The following ACSF3 variants were observed in gnomAD, a reference collection of about 807,000 sequenced individuals.
The protein encoded by ACSF3 is acyl-CoA synthetase family member 3.
ACSF3 carries 78 observed loss-of-function variants against 53.2 expected under a neutral mutation model. That is an observed-to-expected ratio of 1.47 (90% CI 1.22 to 1.77). The LOEUF is 1.77. ACSF3 is among the 40% of genes most tolerant of loss of function. The pLI is 0.00. For synonymous variants in ACSF3, 414 were observed against 333.1 expected, an observed-to-expected ratio of 1.24 and a Z score of -2.65; for missense variants, 937 against 771.1, an observed-to-expected ratio of 1.22 and a Z score of -2.55.
At chr16:89,101,889 G>A (rs746554531) in intron 3 of ACSF3, among the ~76,000 whole-genome samples, 3 of 152,240 alleles carry the variant, frequency 2.0e-5, no homozygotes, top group African/African-American at 4.8e-5. Flanking sequence ...CCACGGAGTC[G>A]TGGGCTGACG....
intron 8 of ACSF3, among the ~76,000 whole-genome samples, chr16:89,137,344 C>CG (rs1456909043): frequency 2.2e-3 from 307 of 137,570 alleles, no homozygotes; most frequent in Middle Eastern, 0.011. Context: ...CCCCGGGTCT[C>CG]GGGAGGACCA....
intron 7 of ACSF3, among the ~76,000 whole-genome samples, chr16:89,127,981 T>C (rs555597300): frequency 6.6e-6 from 1 of 152,242 alleles, no homozygotes; most frequent in East Asian, 1.9e-4. Flanking sequence ...TTATCCTTGC[T>C]AGAAGTTTAT....
chr16:89,151,382 ACTTC>A (rs1914060924), intron 10 of ACSF3: 1 of 367,568 alleles, frequency 2.7e-6, no homozygotes, highest in Non-Finnish European at 5.4e-6. Flanking sequence ...GGGGAGGAAC[ACTTC>A]CTAACTCCCC....
At chr16:89,135,289 G>A (rs1454886503) in intron 8 of ACSF3, among the ~76,000 whole-genome samples, 2 of 152,278 alleles carry the variant, frequency 1.3e-5, no homozygotes, top group African/African-American at 4.8e-5. Context: ...AGGGATGCTG[G>A]AAGGGGCAAT....
intron 8 of ACSF3, among the ~76,000 whole-genome samples, chr16:89,139,029 C>G (rs1439634133): frequency 1.3e-5 from 2 of 152,248 alleles, no homozygotes; most frequent in Admixed American, 1.3e-4. Context: ...CACCTCCAGG[C>G]TCCTTTTTGC....
intron 8 of ACSF3, chr16:89,145,038 C>A: frequency 8.3e-7 from 1 of 1,208,326 alleles, no homozygotes; most frequent in Non-Finnish European, 1.2e-6. Context: ...GCAGACCCCA[C>A]ATCATGGGCA....
intron 7 of ACSF3, among the ~76,000 whole-genome samples, chr16:89,121,401 T>C (rs11645063): frequency 0.75 from 114,155 of 152,158 alleles, 43,337 homozygotes; most frequent in Non-Finnish European, 0.8. Flanking sequence ...CGGAGGTGGG[T>C]GCCTGTGCAG....
intron 3 of ACSF3, among the ~76,000 whole-genome samples, chr16:89,102,022 G>A (rs1320965802): frequency 1.3e-5 from 2 of 152,218 alleles, no homozygotes; most frequent in African/African-American, 4.8e-5. Flanking sequence ...GGAGTGACAT[G>A]CACATGTGCT....
intron 6 of ACSF3, among the ~76,000 whole-genome samples, chr16:89,116,188 G>A (rs528251313): frequency 3.3e-5 from 5 of 152,160 alleles, no homozygotes; most frequent in East Asian, 1.9e-4. Flanking sequence ...AGCACTGTTC[G>A]TTGAAAAGAC....
At chr16:89,105,370 G>C (rs550746934) in intron 4 of ACSF3, among the ~76,000 whole-genome samples, 2 of 152,266 alleles carry the variant, frequency 1.3e-5, no homozygotes, top group Admixed American at 1.3e-4. Context: ...GGTGCGCCCT[G>C]CATGGACACA....
chr16:89,107,718 A>G (rs1198226481), intron 4 of ACSF3, among the ~76,000 whole-genome samples: 1 of 152,162 alleles, frequency 6.6e-6, no homozygotes, highest in Non-Finnish European at 1.5e-5. Flanking sequence ...GTTCCCTTGG[A>G]TCCGCAACTC....
At chr16:89,130,747 T>C (rs1376969629) in intron 7 of ACSF3, among the ~76,000 whole-genome samples, 1 of 152,214 alleles carries the variant, frequency 6.6e-6, no homozygotes, top group Admixed American at 6.5e-5. Flanking sequence ...CTCAGCTTCT[T>C]TAGTTTATAG....
chr16:89,105,372 A>G (rs1975847851), intron 4 of ACSF3, among the ~76,000 whole-genome samples: 1 of 152,048 alleles, frequency 6.6e-6, no homozygotes, highest in African/African-American at 2.4e-5. Context: ...TGCGCCCTGC[A>G]TGGACACAGC....
intron 8 of ACSF3, among the ~76,000 whole-genome samples, chr16:89,139,265 T>C (rs561228466): frequency 3.9e-5 from 6 of 152,210 alleles, no homozygotes; most frequent in African/African-American, 1.4e-4. Context: ...CCATGGCGCC[T>C]CCTTCCCCAT....
At chr16:89,150,484 T>G (rs1241398982) in intron 10 of ACSF3, 1 of 163,374 alleles carries the variant, frequency 6.1e-6, no homozygotes, top group Non-Finnish European at 1.3e-5. Context: ...TCCTCAGGGC[T>G]GCCCTCTGCG....
chr16:89,137,088 A>G (rs933682425), intron 8 of ACSF3, among the ~76,000 whole-genome samples: 1 of 152,144 alleles, frequency 6.6e-6, no homozygotes, highest in African/African-American at 2.4e-5. Context: ...GAGCAGCAGC[A>G]GCAGCAGCCC....
chr16:89,105,290 T>TC (rs897090893), intron 4 of ACSF3, among the ~76,000 whole-genome samples: 4 of 152,150 alleles, frequency 2.6e-5, no homozygotes, highest in African/African-American at 7.2e-5. Flanking sequence ...GGCGCTCTGC[T>TC]CCAGGCCTTC....
intron 7 of ACSF3, among the ~76,000 whole-genome samples, chr16:89,132,070 C>T (rs1255011019): frequency 2.6e-5 from 4 of 152,276 alleles, no homozygotes; most frequent in South Asian, 2.1e-4. Context: ...CAGGACGACA[C>T]ACTCGGCAGA....
intron 8 of ACSF3, among the ~76,000 whole-genome samples, chr16:89,134,151 T>G (rs557929088): frequency 1.7e-4 from 26 of 152,344 alleles, no homozygotes; most frequent in Admixed American, 3.9e-4. Flanking sequence ...GCTCCCAAGA[T>G]GGTAGCGGGC....
Sources: allele counts gnomAD v4.1 joint callset (sites outside exome capture counted in the v4.1 genomes callset), GRCh38; gene constraint gnomAD v4.1.1; transcripts MANE v1.5; gene names NCBI Gene and HGNC (gene_info 2026-07-23, HGNC 2026-07-21).